Variants in TRABD2A observed in about 807,000 individuals in gnomAD.
The protein encoded by TRABD2A is TraB domain containing 2A, also known as metalloprotease TIKI1.
TRABD2A carries 43 observed loss-of-function variants against 45.6 expected under a neutral mutation model. That is an observed-to-expected ratio of 0.94 (90% CI 0.74 to 1.22). The LOEUF is 1.22. TRABD2A is among the 50% of genes most tolerant of loss of function. The probability of loss-of-function intolerance (pLI) is 0.00; values close to 1 mark genes in which losing one functional copy is unlikely to be tolerated. For missense variants in TRABD2A, 642 were observed against 652.4 expected (o/e 0.98, Z 0.17); for synonymous variants, 269 against 265.0 (o/e 1.02, Z -0.15).
chr2:84,822,238 T>C, intron 6 of TRABD2A, 138 bp from the exon 7 acceptor site: 1 of 663,274 alleles, frequency 1.5e-6, no homozygotes. Context: ...ATTAATAGGC[T>C]TCCTATATCT....
At chr2:84,829,838 C>G (rs1411875681) in intron 5 of TRABD2A, among the ~76,000 whole-genome samples, 2 of 149,286 alleles carry the variant, frequency 1.3e-5, no homozygotes, top group African/African-American at 4.9e-5. Context: ...AACACACATA[C>G]CAGACATGCA....
intron 1 of TRABD2A, among the ~76,000 whole-genome samples, chr2:84,877,322 A>T (rs537852221): frequency 2.0e-5 from 3 of 152,094 alleles, no homozygotes; most frequent in African/African-American, 4.8e-5. Context: ...TCACTACCCC[A>T]TTTCACTGTT....
intron 2 of TRABD2A, among the ~76,000 whole-genome samples, chr2:84,844,926 T>C (rs1486502134): frequency 2.0e-5 from 3 of 152,238 alleles, no homozygotes; most frequent in Non-Finnish European, 4.4e-5. Context: ...TCAAAGAGTG[T>C]CCATTAATTT....
At chr2:84,856,221 G>C (rs186030198) in intron 2 of TRABD2A, among the ~76,000 whole-genome samples, 1 of 151,956 alleles carries the variant, frequency 6.6e-6, no homozygotes, top group Non-Finnish European at 1.5e-5. Context: ...GAGGGTGTCT[G>C]GTCCTTGCCT....
intron 2 of TRABD2A, among the ~76,000 whole-genome samples, chr2:84,842,814 G>A (rs1681756573): frequency 6.6e-6 from 1 of 151,986 alleles, no homozygotes; most frequent in Non-Finnish European, 1.5e-5. Flanking sequence ...AATGTGCGAT[G>A]TGGGTCTCCT....
At chr2:84,863,275 C>G (rs1350198429) in intron 2 of TRABD2A, among the ~76,000 whole-genome samples, 2 of 102,100 alleles carry the variant, frequency 2.0e-5, no homozygotes, top group East Asian at 4.5e-4. Context: ...GACGGAGTCT[C>G]GCTCTGTCGC....
intron 2 of TRABD2A, among the ~76,000 whole-genome samples, chr2:84,848,225 A>G (rs1681962501): frequency 6.6e-6 from 1 of 152,098 alleles, no homozygotes; most frequent in African/African-American, 2.4e-5. Flanking sequence ...AATTTTAAAC[A>G]GTGTAAAGAA....
At chr2:84,838,839 A>T (rs941332975) in intron 4 of TRABD2A, among the ~76,000 whole-genome samples, 27 of 152,256 alleles carry the variant, frequency 1.8e-4, no homozygotes, top group African/African-American at 6.0e-4. Flanking sequence ...TACAAAGTGA[A>T]AAGTACCAGA....
intron 1 of TRABD2A, among the ~76,000 whole-genome samples, chr2:84,877,583 T>C (rs561978641): frequency 1.2e-4 from 19 of 152,078 alleles, no homozygotes; most frequent in Admixed American, 9.8e-4. Context: ...CCATCCTGGG[T>C]GACAGAGCAG....
intron 4 of TRABD2A, chr2:84,835,012 A>G (rs1309420106): frequency 6.6e-6 from 1 of 152,224 alleles, no homozygotes; most frequent in Non-Finnish European, 1.5e-5. Flanking sequence ...GTAGCAATGT[A>G]TGAGGGTGCC....
intron 2 of TRABD2A, among the ~76,000 whole-genome samples, chr2:84,868,591 G>A (rs1573952495): frequency 6.6e-6 from 1 of 151,214 alleles, no homozygotes; most frequent in African/African-American, 2.5e-5. Flanking sequence ...AATGGGTGCA[G>A]CACACCAATA....
chr2:84,833,439 CT>C (rs1166599120), intron 4 of TRABD2A: 1 of 152,220 alleles, frequency 6.6e-6, no homozygotes, highest in African/African-American at 2.4e-5. Flanking sequence ...CCACTTAGCA[CT>C]TCTGACTTCA....
intron 2 of TRABD2A, among the ~76,000 whole-genome samples, chr2:84,848,407 CAG>C (rs1559090646): frequency 1.4e-5 from 2 of 141,442 alleles, no homozygotes; most frequent in South Asian, 2.2e-4. Flanking sequence ...GACAGACAGA[CAG>C]ACAGATAGAT....
intron 5 of TRABD2A, among the ~76,000 whole-genome samples, chr2:84,829,617 A>AC (rs36169293): frequency 0.13 from 18,898 of 148,960 alleles, 1,205 homozygotes; most frequent in Non-Finnish European, 0.13. Context: ...CACACACCAC[A>AC]ACACAACGCA....
intron 4 of TRABD2A, chr2:84,836,273 T>G (rs966251976): frequency 6.6e-6 from 1 of 152,270 alleles, no homozygotes; most frequent in Non-Finnish European, 1.5e-5. Context: ...CAAATTCTAT[T>G]CAGCTCACAT....
intron 5 of TRABD2A, among the ~76,000 whole-genome samples, chr2:84,827,510 A>G (rs573768356): frequency 9.3e-4 from 142 of 152,336 alleles, no homozygotes; most frequent in Non-Finnish European, 1.7e-3. Flanking sequence ...CTGAGAATGA[A>G]TGAAGCTGTA....
chr2:84,859,298 A>G (rs1682416027), intron 2 of TRABD2A, among the ~76,000 whole-genome samples: 1 of 152,204 alleles, frequency 6.6e-6, no homozygotes, highest in African/African-American at 2.4e-5. Flanking sequence ...GGATTGAGCT[A>G]TCAGAAAACT....
chr2:84,847,034 T>A (rs2105386668), intron 2 of TRABD2A, among the ~76,000 whole-genome samples: 1 of 152,332 alleles, frequency 6.6e-6, no homozygotes, highest in South Asian at 2.1e-4. Flanking sequence ...GGCAGGGCCC[T>A]GCTGAAGGTG....
chr2:84,831,385 A>G (rs1316187237), intron 5 of TRABD2A, among the ~76,000 whole-genome samples: 1 of 152,120 alleles, frequency 6.6e-6, no homozygotes, highest in Non-Finnish European at 1.5e-5. Context: ...CAAACAGACT[A>G]CTACAGGGGA....
Sources: gnomAD v4.1 joint callset for allele counts (sites outside exome capture counted in the v4.1 genomes callset) on GRCh38, gnomAD v4.1.1 for gene constraint, MANE v1.5 for transcripts, NCBI Gene and HGNC (gene_info 2026-07-23, HGNC 2026-07-21) for gene names.